The following CCM2 variants were observed in gnomAD, a reference collection of about 807,000 sequenced individuals.
CCM2 encodes the protein cerebral cavernous malformations 2 protein.
CCM2 carries 25 observed loss-of-function variants against 44.9 expected under a neutral mutation model. The ratio of observed to expected loss-of-function variants is 0.56; its 90% CI spans 0.41 to 0.78. The LOEUF (loss-of-function observed/expected upper bound fraction) is 0.78. Among genes scored for constraint, CCM2 ranks in the 30% least tolerant of loss-of-function variants. The pLI is 0.00. For synonymous variants in CCM2, 219 were observed against 241.1 expected, an observed-to-expected ratio of 0.91 and a Z score of 0.85; for missense variants, 481 against 580.6, an observed-to-expected ratio of 0.83 and a Z score of 1.76.
Position 45,059,945 on chromosome 7 carries a change from A to G in CCM2, c.205-3973A>G, listed in dbSNP as rs530619683. Among the ~76,000 whole-genome samples the G allele has an allele frequency of 4.9e-4, 74 of 152,322 alleles. 1 individual carries two copies. The highest frequency in any genetic ancestry group is 1.5e-3 in the African/African-American group (64 of 41,566). ...CATTTATTTCATTTATCCTTAGGCT[A>G]CAGTCACCCAATACACAAATTTTAT... is the stretch of plus-strand genomic sequence containing the variant. On this transcript the variant is annotated intron_variant, in intron 2 of 9. Coordinates refer to ENST00000258781, the MANE Select transcript of CCM2 (RefSeq NM_031443.4).
chr7:45,058,749 C>A (rs1798384073), intron 2 of CCM2, among the ~76,000 whole-genome samples: 1 of 151,920 alleles, frequency 6.6e-6, no homozygotes, highest in African/African-American at 2.4e-5. Flanking sequence ...TATGATTTTT[C>A]TTTAGCCAGT....
At chr7:45,009,596 G>T (rs1795989092) in intron 1 of CCM2, among the ~76,000 whole-genome samples, 1 of 151,954 alleles carries the variant, frequency 6.6e-6, no homozygotes, top group African/African-American at 2.4e-5. Flanking sequence ...TAGAGATAGG[G>T]TTTCACCATG....
intron 1 of CCM2, among the ~76,000 whole-genome samples, chr7:45,037,161 C>T (rs1482099027): frequency 6.6e-6 from 1 of 151,420 alleles, no homozygotes; most frequent in Admixed American, 6.6e-5. Flanking sequence ...CCCCAGACCC[C>T]CACCCCCCGC....
intron 1 of CCM2, among the ~76,000 whole-genome samples, chr7:45,009,316 A>AG (rs1300661891): frequency 7.6e-6 from 1 of 131,996 alleles, no homozygotes. Flanking sequence ...AAAAAAAAAA[A>AG]AAAAAATTTT....
At chr7:45,034,368 C>T (rs1011661243) in intron 1 of CCM2, among the ~76,000 whole-genome samples, 2 of 152,132 alleles carry the variant, frequency 1.3e-5, no homozygotes, top group African/African-American at 4.8e-5. Context: ...TCTGCCACTA[C>T]ACCCAGCTAA....
intron 2 of CCM2, among the ~76,000 whole-genome samples, chr7:45,044,476 GC>G (rs1274919892): frequency 1.3e-5 from 2 of 152,010 alleles, no homozygotes; most frequent in Non-Finnish European, 2.9e-5. Context: ...TCCATCTATA[GC>G]CCACTTGCTT....
chr7:45,021,230 C>A (rs1796468005), intron 1 of CCM2, among the ~76,000 whole-genome samples: 4 of 151,994 alleles, frequency 2.6e-5, no homozygotes, highest in Admixed American at 2.6e-4. Context: ...GCACTGCAGC[C>A]TGGGTAATAG....
chr7:45,074,231 A>T (rs938389428), intron 8 of CCM2, 39 bp from the exon 9 acceptor site: 9 of 1,612,682 alleles, frequency 5.6e-6, no homozygotes, highest in Non-Finnish European at 7.6e-6. Context: ...ACTCTTGCCT[A>T]CTGTGCCCAG....
intron 1 of CCM2, among the ~76,000 whole-genome samples, chr7:45,006,292 C>T (rs1205415202): frequency 6.6e-6 from 1 of 151,892 alleles, no homozygotes; most frequent in Non-Finnish European, 1.5e-5. Flanking sequence ...GAAGCCCCTA[C>T]TTCCAGGACC....
chr7:45,040,114 G>T (rs62458103), intron 2 of CCM2, among the ~76,000 whole-genome samples: 2 of 152,032 alleles, frequency 1.3e-5, no homozygotes, highest in African/African-American at 4.8e-5. Context: ...AAAAAAAAAG[G>T]CCAGGTGCTG....
At chr7:45,012,473 T>G (rs1796104540) in intron 1 of CCM2, among the ~76,000 whole-genome samples, 1 of 152,182 alleles carries the variant, frequency 6.6e-6, no homozygotes, top group African/African-American at 2.4e-5. Flanking sequence ...CATTATGACA[T>G]GACCATCTTT....
At chr7:45,048,914 A>C (rs1162841508) in intron 2 of CCM2, among the ~76,000 whole-genome samples, 1 of 152,218 alleles carries the variant, frequency 6.6e-6, no homozygotes, top group Admixed American at 6.5e-5. Flanking sequence ...GGACAGGGTA[A>C]TTAATCACAT....
chr7:45,073,137 C>A (rs1799163292), intron 7 of CCM2: 2 of 573,926 alleles, frequency 3.5e-6, no homozygotes, highest in Non-Finnish European at 6.2e-6. Flanking sequence ...AGTAGTTCAC[C>A]CACTCGCGCT....
chr7:45,073,914 T>C (rs570888905), intron 8 of CCM2: 1 of 519,496 alleles, frequency 1.9e-6, no homozygotes, highest in South Asian at 2.2e-5. Flanking sequence ...CATTGCAAAC[T>C]CAAGTCTTCC....
intron 4 of CCM2, among the ~76,000 whole-genome samples, chr7:45,066,620 C>G (rs1181534303): frequency 6.6e-6 from 1 of 152,206 alleles, no homozygotes; most frequent in Admixed American, 6.5e-5. Context: ...GGGGCCAGGT[C>G]TAGCTGCAAT....
intron 3 of CCM2, 89 bp from the exon 4 acceptor site, chr7:45,064,374 A>G: frequency 7.7e-7 from 1 of 1,292,004 alleles, no homozygotes; most frequent in South Asian, 1.2e-5. Context: ...CACATGTGTG[A>G]CATCGGCCAG....
intron 1 of CCM2, among the ~76,000 whole-genome samples, chr7:45,034,053 T>TG (rs1233910702): frequency 6.6e-6 from 1 of 152,144 alleles, no homozygotes; most frequent in African/African-American, 2.4e-5. Context: ...AAACTTGTCC[T>TG]GGGGCTCAAA....
intron 2 of CCM2, among the ~76,000 whole-genome samples, chr7:45,042,923 C>G (rs1385034308): frequency 6.6e-6 from 1 of 151,350 alleles, no homozygotes; most frequent in Non-Finnish European, 1.5e-5. Flanking sequence ...GGAGGGAACT[C>G]TTCTGTTCTC....
At chr7:45,070,095 C>CCAAAG in intron 6 of CCM2, 134 bp downstream of exon 6, 1 of 1,160,320 alleles carries the variant, frequency 8.6e-7, no homozygotes, top group East Asian at 2.4e-5. Flanking sequence ...TGTTTCCAGA[C>CCAAAG]TTTGCTGTTC....
Sources: allele counts gnomAD v4.1 joint callset (sites outside exome capture counted in the v4.1 genomes callset), GRCh38; gene constraint gnomAD v4.1.1; transcripts MANE v1.5; gene names NCBI Gene and HGNC (gene_info 2026-07-23, HGNC 2026-07-21).